LPIN1: variants seen among roughly 807,000 people sequenced by gnomAD.
The protein encoded by LPIN1 is phosphatidate phosphatase LPIN1.
LPIN1 carries 71 observed loss-of-function variants against 107.5 expected under a neutral mutation model. The observed-to-expected ratio is 0.66, with a 90% CI of 0.55 to 0.80. The LOEUF (loss-of-function observed/expected upper bound fraction) is 0.80. Among genes scored for constraint, LPIN1 ranks in the 30% least tolerant of loss-of-function variants. The probability of loss-of-function intolerance (pLI) is 0.00; values close to 1 mark genes in which losing one functional copy is unlikely to be tolerated. For missense variants in LPIN1, 1,043 were observed against 1,160.6 expected, an observed-to-expected ratio of 0.90 and a Z score of 1.47; for synonymous variants, 445 against 452.6, an observed-to-expected ratio of 0.98 and a Z score of 0.21.
chr2:11,789,431 CGTGT>C (rs1007456911), intron 12 of LPIN1, among the ~76,000 whole-genome samples: 5 of 151,180 alleles, frequency 3.3e-5, no homozygotes, highest in East Asian at 1.9e-4. Flanking sequence ...TATGTGTGTG[CGTGT>C]GTGTATGTGC....
chr2:11,733,074 C>T (rs1443965406), intron 1 of LPIN1, among the ~76,000 whole-genome samples: 1 of 152,086 alleles, frequency 6.6e-6, no homozygotes, highest in African/African-American at 2.4e-5. Flanking sequence ...CTTAACAATT[C>T]CATTCCCACT....
chr2:11,749,526 G>T (rs76370937), intron 1 of LPIN1, among the ~76,000 whole-genome samples: 3,121 of 152,272 alleles, frequency 0.02, 110 homozygotes, highest in African/African-American at 0.069. Context: ...AGCAGCTGGG[G>T]TTGGGGTGGG....
rs1280729566 is a variant in LPIN1 at position 11,697,113 on chromosome 2, G to A, written c.82-16643G>A. 6.6e-6 allele frequency among the ~76,000 whole-genome samples: 1 copy of A among 152,214 alleles called. No individual in the cohort carries two copies. Among genetic ancestry groups the A allele is most frequent in the African/African-American group, 2.4e-5 (1 of 41,450 alleles). ...CTGGTGAGAACAGATGCGTAGTCCC[G>A]GAGCTCAAGTTCTGGGAAGGGCAGT... On this transcript the variant is annotated intron_variant, in intron 1 of 21. Coordinates refer to the LPIN1 transcript ENST00000449576. The surrounding 1 kb of genome is among the most constrained non-coding windows in gnomAD (Gnocchi z 4.6).
chr2:11,678,258 G>A (rs1277190092), intron 1 of LPIN1, among the ~76,000 whole-genome samples: 1 of 152,206 alleles, frequency 6.6e-6, no homozygotes, highest in Non-Finnish European at 1.5e-5. Flanking sequence ...CATCCTAGCA[G>A]CCAAGGCTTT....
chr2:11,782,898 A>G (rs1673815730), intron 8 of LPIN1, among the ~76,000 whole-genome samples: 1 of 152,202 alleles, frequency 6.6e-6, no homozygotes, highest in African/African-American at 2.4e-5. Context: ...TAATTTCTGC[A>G]TATCATTTAT....
chr2:11,677,742 A>G (rs745446612), intron 1 of LPIN1: 2 of 1,533,850 alleles, frequency 1.3e-6, no homozygotes, highest in Non-Finnish European at 1.7e-6. Context: ...AGGGCCGGCC[A>G]TGTGGCCATC....
chr2:11,750,014 G>T (rs1310289282), intron 1 of LPIN1, among the ~76,000 whole-genome samples: 1 of 152,206 alleles, frequency 6.6e-6, no homozygotes, highest in Non-Finnish European at 1.5e-5. Context: ...TCACAAAGTT[G>T]ACCACAGACC....
intron 15 of LPIN1, 138 bp from the exon 16 acceptor site, chr2:11,804,281 GGAAA>G (rs1269754184): frequency 2.3e-6 from 2 of 886,074 alleles, no homozygotes; most frequent in African/African-American, 1.7e-5. Context: ...GGAAGGGTGG[GGAAA>G]GAAAGAATTA....
At chr2:11,807,038 T>C (rs1022804967) in intron 17 of LPIN1, among the ~76,000 whole-genome samples, 4 of 152,188 alleles carry the variant, frequency 2.6e-5, no homozygotes, top group Non-Finnish European at 4.4e-5. Context: ...TAGTTGCCAC[T>C]TTTTCCCCTA....
At chr2:11,738,901 G>A (rs1251366195) in intron 1 of LPIN1, among the ~76,000 whole-genome samples, 1 of 152,222 alleles carries the variant, frequency 6.6e-6, no homozygotes, top group East Asian at 1.9e-4. Flanking sequence ...CAGGCAGAAC[G>A]ATCTCCAGAA....
chr2:11,766,993 G>A (rs1195267547), intron 2 of LPIN1, among the ~76,000 whole-genome samples: 1 of 152,188 alleles, frequency 6.6e-6, no homozygotes, highest in South Asian at 2.1e-4. Flanking sequence ...CCCAGAGGGG[G>A]TCCGTTCAGT....
chr2:11,816,239 T>C (rs1218771987), intron 18 of LPIN1: 3 of 152,224 alleles, frequency 2.0e-5, no homozygotes, highest in Non-Finnish European at 4.4e-5. Context: ...AGATGTCAAA[T>C]TGAGACATGC....
chr2:11,792,138 C>T, intron 13 of LPIN1, 132 bp downstream of exon 13: 1 of 795,572 alleles, frequency 1.3e-6, no homozygotes, highest in Non-Finnish European at 2.1e-6. Flanking sequence ...GCCAGCTCTG[C>T]CATGAAGTAG....
At position 11,803,315 on chromosome 2, in the gene LPIN1, C is replaced by T. The variant is rs1040511519; in HGVS notation, c.2013+282C>T. Among the ~76,000 whole-genome samples the T allele has an allele frequency of 1.3e-5, 2 of 151,988 alleles. No homozygotes were observed. The highest frequency in any genetic ancestry group is 2.4e-5 in the African/African-American group (1 of 41,364). ...GGAAGGCAGCCTGGCGGAGCTAATT[C>T]GTCCTAAGGTGTCAATCACAGATAG... On this transcript the variant is annotated intron_variant, in intron 15 of 20. Coordinates refer to ENST00000674199, the MANE Select transcript of LPIN1 (RefSeq NM_001349206.2). The surrounding 1 kb of genome is among the most constrained non-coding windows in gnomAD (Gnocchi z 4.2).
At chr2:11,725,122 G>A (rs918569190) in intron 1 of LPIN1, among the ~76,000 whole-genome samples, 9 of 152,276 alleles carry the variant, frequency 5.9e-5, no homozygotes, top group East Asian at 1.9e-4. Flanking sequence ...TTAGCCGGGC[G>A]TGTTGGCGGG....
At chr2:11,733,693 T>C (rs978406019) in intron 1 of LPIN1, among the ~76,000 whole-genome samples, 1 of 152,186 alleles carries the variant, frequency 6.6e-6, no homozygotes, top group Non-Finnish European at 1.5e-5. Flanking sequence ...GGTTTTGCCA[T>C]GTTGCCCAGG....
intron 1 of LPIN1, among the ~76,000 whole-genome samples, chr2:11,759,497 G>A (rs1669290626): frequency 1.3e-5 from 2 of 152,184 alleles, no homozygotes; most frequent in Admixed American, 1.3e-4. Context: ...ACCGGGTTGG[G>A]GGTAAGGTCA....
At chr2:11,703,752 C>T (rs1662999819) in intron 1 of LPIN1, among the ~76,000 whole-genome samples, 1 of 152,210 alleles carries the variant, frequency 6.6e-6, no homozygotes, top group Non-Finnish European at 1.5e-5. Flanking sequence ...CCTTCCTCCT[C>T]CCCCCACATA....
At chr2:11,698,816 G>A (rs1401222532) in intron 1 of LPIN1, among the ~76,000 whole-genome samples, 1 of 152,226 alleles carries the variant, frequency 6.6e-6, no homozygotes, top group Non-Finnish European at 1.5e-5. Context: ...CCTATCAGCT[G>A]TCTCTCTGGT....
Sources: gnomAD v4.1 joint callset for allele counts (sites outside exome capture counted in the v4.1 genomes callset) on GRCh38, gnomAD v4.1.1 for gene constraint, Gnocchi (gnomAD v3.1) non-coding constraint, MANE v1.5 for transcripts, NCBI Gene and HGNC (gene_info 2026-07-23, HGNC 2026-07-21) for gene names.